The following XPO7 variants were observed in gnomAD, a reference collection of about 807,000 sequenced individuals.
XPO7 encodes the protein exportin 7, also known as exportin-7.
In XPO7, 21 loss-of-function variants were observed where a neutral mutation model predicts 144.3. The observed-to-expected ratio is 0.15, with a 90% CI of 0.10 to 0.21. The LOEUF is 0.21. Among genes scored for constraint, XPO7 ranks in the 10% least tolerant of loss-of-function variants. The pLI, the probability that XPO7 is intolerant of heterozygous loss-of-function variation, is 1.00. For missense variants in XPO7, 808 were observed against 1,325.8 expected, an observed-to-expected ratio of 0.61 and a Z score of 6.06; for synonymous variants, 580 against 499.6, an observed-to-expected ratio of 1.16 and a Z score of -2.15.
chr8:21,943,811 CAA>C (rs1247992549), intron 1 of XPO7, among the ~76,000 whole-genome samples: 3 of 151,952 alleles, frequency 2.0e-5, no homozygotes, highest in South Asian at 2.1e-4. Context: ...TCTTATTAAA[CAA>C]AGAGAAAAAG....
chr8:21,974,663 T>C lies in XPO7; in HGVS notation c.493-7T>C. On this transcript the variant is annotated splice_polypyrimidine_tract_variant and splice_region_variant and intron_variant, in intron 5 of 27. Transcript: ENST00000252512. ...TCTTTGCATTGGTTTCTTCTTTTTC[T>C]GCACAGGCAGACACCACCCATCCTT... The C allele has an allele frequency of 6.4e-7, 1 of 1,555,576 alleles. No individual in the cohort carries two copies. Among genetic ancestry groups the C allele is most frequent in the Non-Finnish European group, 8.7e-7 (1 of 1,154,362 alleles).
intron 1 of XPO7, among the ~76,000 whole-genome samples, chr8:21,960,456 A>G (rs1023394661): frequency 2.0e-5 from 3 of 152,236 alleles, no homozygotes; most frequent in African/African-American, 7.2e-5. Flanking sequence ...TTAAGTGACT[A>G]GGTACATTCT....
intron 11 of XPO7, among the ~76,000 whole-genome samples, chr8:21,983,093 C>T (rs1194678593): frequency 6.6e-6 from 1 of 152,144 alleles, no homozygotes; most frequent in Non-Finnish European, 1.5e-5. Context: ...GTCCTTGCCG[C>T]TGTTTTTCTT....
At chr8:21,951,850 G>A (rs982143542) in intron 1 of XPO7, among the ~76,000 whole-genome samples, 2 of 152,060 alleles carry the variant, frequency 1.3e-5, no homozygotes, top group Admixed American at 6.5e-5. Flanking sequence ...CATTAATTAC[G>A]AGTCTTACAG....
chr8:21,990,536 C>T, intron 17 of XPO7, 129 bp downstream of exon 17: 3 of 1,047,008 alleles, frequency 2.9e-6, no homozygotes, highest in Non-Finnish European at 2.9e-6. Context: ...CTGATTCCCA[C>T]GATACTGCCA....
chr8:21,999,743 G>A (rs999171184), intron 24 of XPO7, 69 bp downstream of exon 24: 18 of 1,591,556 alleles, frequency 1.1e-5, no homozygotes, highest in Admixed American at 6.9e-5. Context: ...CAGAAAGAGA[G>A]AATCTTGCCC....
intron 17 of XPO7, 53 bp from the exon 18 acceptor site, chr8:21,990,757 AT>A: frequency 6.5e-7 from 1 of 1,545,806 alleles, no homozygotes; most frequent in Non-Finnish European, 8.9e-7. Context: ...ACTGGCTTGC[AT>A]TCTGCCTCTA....
At chr8:21,990,704 C>A in intron 17 of XPO7, 107 bp from the exon 18 acceptor site, 1 of 1,144,396 alleles carries the variant, frequency 8.7e-7, no homozygotes, top group Non-Finnish European at 1.3e-6. Context: ...CAAGGAATGA[C>A]TACATAACCA....
rs1357256310 is a variant in XPO7 at position 21,987,056 on chromosome 8, A to ATC, written c.1578-84_1578-83insCT. On this transcript the variant is annotated intron_variant, in intron 13 of 27. Coordinates refer to ENST00000252512, the MANE Select transcript of XPO7 (RefSeq NM_015024.5). ...GGTTGCTGTACCCAAGTACAGGCAT[A>ATC]TACGACCATGTCAAGATAGCTTGGG... is the stretch of plus-strand genomic sequence containing the variant. The ATC allele has an allele frequency of 2.3e-5, 36 of 1,583,490 alleles. 1 individual carries two copies. In the South Asian group the frequency reaches 3.4e-4, roughly 15 times the overall value.
At chr8:21,989,536 G>A (rs185343354) in intron 16 of XPO7, among the ~76,000 whole-genome samples, 27 of 152,270 alleles carry the variant, frequency 1.8e-4, no homozygotes, top group African/African-American at 6.5e-4. Context: ...TTGCTCTAGG[G>A]CAGCTTTTCA....
intron 1 of XPO7, among the ~76,000 whole-genome samples, chr8:21,932,134 C>G (rs929113092): frequency 6.6e-6 from 1 of 152,102 alleles, no homozygotes; most frequent in African/African-American, 2.4e-5. Context: ...TCCCAAAGTG[C>G]TGAGATTGCA....
At chr8:21,980,868 A>G (rs1490000860) in intron 9 of XPO7, among the ~76,000 whole-genome samples, 1 of 151,870 alleles carries the variant, frequency 6.6e-6, no homozygotes, top group Non-Finnish European at 1.5e-5. Context: ...GGCTGCTTTT[A>G]GGTGGGAAGG....
At chr8:21,920,874 TAAG>T (rs775389772) in intron 1 of XPO7, among the ~76,000 whole-genome samples, 2 of 152,170 alleles carry the variant, frequency 1.3e-5, no homozygotes, top group Non-Finnish European at 2.9e-5. Context: ...ATTCCTCAAG[TAAG>T]AAGAATGATC....
At chr8:21,981,609 C>CTG in intron 9 of XPO7, 122 bp from the exon 10 acceptor site, 1 of 1,218,228 alleles carries the variant, frequency 8.2e-7, no homozygotes, top group Non-Finnish European at 1.1e-6. Context: ...GAATCATGAC[C>CTG]TGCAGCCCAG....
chr8:21,957,560 A>G (rs894409340), intron 1 of XPO7, among the ~76,000 whole-genome samples: 1 of 151,896 alleles, frequency 6.6e-6, no homozygotes, highest in East Asian at 1.9e-4. Flanking sequence ...TGGGATCCTG[A>G]GGGTTTAGGG....
At chr8:21,922,765 A>G (rs1295645215) in intron 1 of XPO7, among the ~76,000 whole-genome samples, 1 of 152,200 alleles carries the variant, frequency 6.6e-6, no homozygotes, top group Admixed American at 6.5e-5. Context: ...TTTACCATAA[A>G]TAATGGAAAT....
intron 1 of XPO7, among the ~76,000 whole-genome samples, chr8:21,926,916 G>C (rs182308204): frequency 5.3e-4 from 80 of 152,234 alleles, no homozygotes; most frequent in African/African-American, 1.9e-3. Flanking sequence ...AACTAGCCTG[G>C]GGCATACCCA....
At chr8:21,958,080 TA>T (rs1298614207) in intron 1 of XPO7, among the ~76,000 whole-genome samples, 9 of 152,322 alleles carry the variant, frequency 5.9e-5, no homozygotes, top group Non-Finnish European at 1.0e-4. Flanking sequence ...CAGACATTAA[TA>T]TGGAAATTAC....
In XPO7 at chr8:22,005,195, G is replaced by A. The variant is rs1813286187; in HGVS notation, c.*107G>A. 1 of 934,830 alleles carries A rather than the reference G, an allele frequency of 1.1e-6. No individual in the cohort carries two copies. Among genetic ancestry groups the A allele is most frequent in the African/African-American group, 1.7e-5 (1 of 58,796 alleles). 57.9% of individuals were successfully genotyped at this position (934,830 alleles called of 1,614,324 possible). On this transcript the variant is annotated 3_prime_UTR_variant, in exon 28 of 28. Coordinates refer to ENST00000252512, the MANE Select transcript of XPO7 (RefSeq NM_015024.5). ...TGGCTGATCCTGGCTCTTTTCTCCA[G>A]GGGTGTGGGGAAAATGGCAAAGGTC...
Sources: gnomAD v4.1 joint callset for allele counts (sites outside exome capture counted in the v4.1 genomes callset) on GRCh38, gnomAD v4.1.1 for gene constraint, MANE v1.5 for transcripts, NCBI Gene and HGNC (gene_info 2026-07-23, HGNC 2026-07-21) for gene names.